STK25: variants seen among roughly 807,000 people sequenced by gnomAD.
The protein encoded by STK25 is serine/threonine-protein kinase 25.
STK25 carries 29 observed loss-of-function variants against 53.8 expected under a neutral mutation model. That is an observed-to-expected ratio of 0.54 (90% CI 0.40 to 0.74). The LOEUF is 0.74. Among genes scored for constraint, STK25 ranks in the 30% least tolerant of loss-of-function variants. The pLI is 0.00. For missense variants in STK25, 420 were observed against 568.0 expected (o/e 0.74, Z 2.65); for synonymous variants, 247 against 238.3 (o/e 1.04, Z -0.33).
rs1189848985 is a variant in STK25 at position 241,495,705 on chromosome 2, C to T, written c.1242-4G>A. ...GTGGTTTCTGTTGTGTGAAAACCTGCAGAGAGAAGAGCCCACTGCTGCGTG... is the reference window on the plus strand; with the variant it reads ...GTGGTTTCTGTTGTGTGAAAACCTGTAGAGAGAAGAGCCCACTGCTGCGTG... On this transcript the variant is annotated splice_region_variant and splice_polypyrimidine_tract_variant and intron_variant, in intron 11 of 11. Transcript: ENST00000316586. The T allele has an allele frequency of 1.2e-6, 2 of 1,614,072 alleles. No individual in the cohort carries two copies. Among genetic ancestry groups the T allele is most frequent in the Admixed American group, 3.3e-5 (2 of 60,034 alleles).
In STK25 at chr2:241,497,661, C is replaced by A. The variant is rs34250019; in HGVS notation, c.1059G>T (p.Pro353=). The A allele has an allele frequency of 6.2e-7, 1 of 1,613,482 alleles. No individual in the cohort carries two copies. The highest frequency in any genetic ancestry group is 1.7e-5 in the Admixed American group (1 of 60,034). Residue 353 remains proline, a synonymous_variant, in exon 10 of 12, where the codon CCG becomes CCT. Transcript: ENST00000316586. ...CCAGCGTGGACAGGCACTGGGACCT[C>A]GGCTGCCTCTTGACGGGCTCCGCAG... ...QKPAEPVKRQ[P]RSQCLSTLVR...
intron 4 of STK25, among the ~76,000 whole-genome samples, chr2:241,500,529 C>T (rs2065443716): frequency 6.6e-6 from 1 of 152,198 alleles, no homozygotes; most frequent in African/African-American, 2.4e-5. Context: ...TCCCAGCAGG[C>T]CTGCCCCCGC....
chr2:241,501,623 T>C lies in STK25; in HGVS notation c.116A>G (p.Asp39Gly). 2 of 1,614,118 alleles carry C rather than the reference T, an allele frequency of 1.2e-6. No individual in the cohort carries two copies. The highest frequency in any genetic ancestry group is 1.7e-6 in the Non-Finnish European group (2 of 1,180,024). ...GSFGEVYKGI[D>G]NHTKEVVAIK... ...GGCCACCACCTCCTTTGTGTGGTTA[T>C]CGATGCCCTTGTAGACCTCCCCAAA... The change falls in exon 3 of 12, where the codon GAT (aspartate) becomes GGT (glycine). Residue 39 changes from aspartate (D) to glycine (G), a missense_variant. Asp to Gly is a moderately conservative substitution (Grantham distance 94). Coordinates refer to ENST00000316586, the MANE Select transcript of STK25 (RefSeq NM_001271977.2). The surrounding 1 kb of genome is among the most constrained non-coding windows in gnomAD (Gnocchi z 5.3).
At chr2:241,499,230 C>T in intron 6 of STK25, 27 bp downstream of exon 6, 2 of 1,613,784 alleles carry the variant, frequency 1.2e-6, no homozygotes. Flanking sequence ...GGCATGGTGC[C>T]CGCACCTGCC....
In STK25 at chr2:241,499,109, G is replaced by A. The variant is rs55762981; in HGVS notation, c.651C>T (p.Asp217=). 1.1e-3 allele frequency: 1,704 copies of A among 1,614,068 alleles called. 13 individuals carry two copies. In the African/African-American group the frequency reaches 0.019, roughly 18 times the overall value. ...ELAKGEPPNS[D]LHPMRVLFLI... ...GGAACAGGACGCGCATGGGGTGGAG[G>A]TCAGAGTTTGGAGGCTCCCCCTTGG... The change falls in exon 7 of 12, where the codon GAC becomes GAT. Residue 217 remains aspartate, a synonymous_variant. Transcript: ENST00000316586.
At chr2:241,508,254 G>A (rs2065978117) in intron 1 of STK25, 119 bp from the exon 2 acceptor site, 20 of 1,306,128 alleles carry the variant, frequency 1.5e-5, no homozygotes, top group Non-Finnish European at 1.8e-5. Context: ...CCGGGGCCCC[G>A]CCACGCCCGG....
rs756369752 is a variant in STK25 at position 241,500,200 on chromosome 2, C to T, written c.400G>A (p.Glu134Lys). ...ILKGLDYLHS[E>K]RKIHRDIKAA... ...TTGATGTCTCGGTGGATCTTGCGTT[C>T]GGAGTGCAGATAATCCAGGCCCTTC... Residue 134 changes from glutamate (E) to lysine (K), a missense_variant, in exon 5 of 12, where the codon GAA (glutamate) becomes AAA (lysine). Transcript: ENST00000316586. The T allele has an allele frequency of 5.6e-6, 9 of 1,612,932 alleles. No individual in the cohort carries two copies. The highest frequency in any genetic ancestry group is 2.2e-5 in the South Asian group (2 of 90,968).
chr2:241,507,636 G>T (rs1185216665), intron 2 of STK25, among the ~76,000 whole-genome samples: 1 of 152,226 alleles, frequency 6.6e-6, no homozygotes, highest in African/African-American at 2.4e-5. Context: ...GGCCGAGGCC[G>T]CAGGGTGGCC....
rs118045950 is a variant in STK25, at chr2:241,496,263, C to T, written c.1241+135G>A. On this transcript the variant is annotated intron_variant, in intron 11 of 11. Coordinates refer to ENST00000316586, the MANE Select transcript of STK25 (RefSeq NM_001271977.2). This position sits in a 1 kb window ranked among gnomAD's most constrained non-coding sequence, Gnocchi z 5.8. ...CCAAACAAGGAAGAGGATGCCACGC[C>T]GCGCCTTCCCAGAGTGAAGCGAGCC... The T allele has an allele frequency of 0.01, 11,163 of 1,091,136 alleles. 326 individuals are homozygous for T. The highest frequency in any genetic ancestry group is 0.07 in the South Asian group (4,839 of 68,748). 67.6% of individuals were successfully genotyped at this position (1,091,136 alleles called of 1,614,324 possible). A position where few individuals can be genotyped will look rare whatever the true frequency, so the allele number is the denominator to read the frequency against.
chr2:241,500,280 A>G lies in STK25; in HGVS notation c.320T>C (p.Leu107Pro). The G allele has an allele frequency of 6.2e-7, 1 of 1,612,726 alleles. No homozygotes were observed. The highest frequency in any genetic ancestry group is 8.5e-7 in the Non-Finnish European group (1 of 1,178,804). Residue 107 changes from leucine to proline, a missense_variant and splice_region_variant, in exon 5 of 12, where the codon CTT becomes CCT. Coordinates refer to ENST00000316586, the MANE Select transcript of STK25 (RefSeq NM_001271977.2). ...YLGGGSALDLLKPGPLEETYI... is the reference protein window; with the variant it reads ...YLGGGSALDLPKPGPLEETYI... ...TGTCTCCTCCAGGGGACCTGGTTTA[A>G]GCTGGAGAGGAAGGTGCGACAGCAG...
rs1206084095 is a variant in STK25, at chr2:241,496,067, G to A, written c.1241+331C>T. Among the ~76,000 whole-genome samples, 3 of 152,178 alleles carry A rather than the reference G, an allele frequency of 2.0e-5. No homozygotes were observed. Among genetic ancestry groups the A allele is most frequent in the African/African-American group, 4.8e-5 (2 of 41,452 alleles). On this transcript the variant is annotated intron_variant, in intron 11 of 11. Coordinates refer to ENST00000316586, the MANE Select transcript of STK25 (RefSeq NM_001271977.2). This position sits in a 1 kb window ranked among gnomAD's most constrained non-coding sequence, Gnocchi z 5.8. ...GGGCAGCTCTGACGTTTTGCCACCAGCGTGTCAGAGTAGCTCCCGGGAGCC... is the reference window on the plus strand; with the variant it reads ...GGGCAGCTCTGACGTTTTGCCACCAACGTGTCAGAGTAGCTCCCGGGAGCC...
At position 241,498,615 on chromosome 2, in the gene STK25, CATGAGG is replaced by C. The variant is rs748479539; in HGVS notation, c.917+18_917+23del. 1.6e-5 allele frequency: 25 copies of C among 1,603,624 alleles called. No homozygotes were observed. The East Asian group carries it at 5.1e-4, about 33-fold the overall frequency. On this transcript the variant is annotated intron_variant, in intron 8 of 11. Transcript: ENST00000316586. Reference sequence around the variant, plus strand: ...CCCACGTCACAGCACCTAGGGTCACCATGAGGATAAACCAGGTCCCTACATGTCAGA... The same window carrying C: ...CCCACGTCACAGCACCTAGGGTCACCATAAACCAGGTCCCTACATGTCAGA...
chr2:241,505,727 C>T (rs2065783216), intron 2 of STK25, among the ~76,000 whole-genome samples: 1 of 152,334 alleles, frequency 6.6e-6, no homozygotes, highest in East Asian at 1.9e-4. Flanking sequence ...CAAGCAGAAA[C>T]TGTGTGACAG....
In STK25 at chr2:241,501,716, G is replaced by C. The variant is rs368769553; in HGVS notation, c.31-8C>G. On this transcript the variant is annotated splice_polypyrimidine_tract_variant and splice_region_variant and intron_variant, in intron 2 of 11. Transcript: ENST00000316586. This position sits in a 1 kb window ranked among gnomAD's most constrained non-coding sequence, Gnocchi z 5.3. ...AGGGTCCACTCGAGAGTGCTGTGGG[G>C]CCAGGGCGGGGACAGAGGGCAGACA... 6.2e-7 allele frequency: 1 copy of C among 1,608,382 alleles called. No homozygotes were observed. Among genetic ancestry groups the C allele is most frequent in the Non-Finnish European group, 8.5e-7 (1 of 1,176,222 alleles).
In STK25 at chr2:241,501,519, C is replaced by T. The variant is rs763297657; in HGVS notation, c.220G>A (p.Asp74Asn). 5 of 1,614,102 alleles carry T rather than the reference C, an allele frequency of 3.1e-6. No individual in the cohort carries two copies. Among genetic ancestry groups the T allele is most frequent in the Non-Finnish European group, 4.2e-6 (5 of 1,180,038 alleles). ...QQEITVLSQCDSPYITRYFGS... is the reference protein window; with the variant it reads ...QQEITVLSQCNSPYITRYFGS... Reference sequence around the variant, plus strand: ...AAGTAGCGGGTGATGTAGGGGCTGTCGCACTGACTGAGGACAGTGATCTCC... The same window carrying T: ...AAGTAGCGGGTGATGTAGGGGCTGTTGCACTGACTGAGGACAGTGATCTCC... Residue 74 changes from aspartate (D) to asparagine (N), a missense_variant, in exon 3 of 12, where the codon GAC becomes AAC. Coordinates refer to ENST00000316586, the MANE Select transcript of STK25 (RefSeq NM_001271977.2). The surrounding 1 kb of genome is among the most constrained non-coding windows in gnomAD (Gnocchi z 5.3).
At position 241,493,492 on chromosome 2, in the gene STK25, G is replaced by A. The variant is rs747579054; in HGVS notation, c.*2170C>T. Reference sequence around the variant, plus strand: ...TGGTCAGCTGCCCATTTCGATGTCCGCTCAGCTCCCATTTCTACTCATGGT... The same window carrying A: ...TGGTCAGCTGCCCATTTCGATGTCCACTCAGCTCCCATTTCTACTCATGGT... On this transcript the variant is annotated 3_prime_UTR_variant, in exon 12 of 12. Coordinates refer to ENST00000316586, the MANE Select transcript of STK25 (RefSeq NM_001271977.2). 6.3e-6 allele frequency: 10 copies of A among 1,576,548 alleles called. No individual in the cohort carries two copies. The highest frequency in any genetic ancestry group is 8.7e-6 in the Non-Finnish European group (10 of 1,148,030).
In STK25 at chr2:241,501,933, C is replaced by T. The variant is rs377469385; in HGVS notation, c.31-225G>A. ...CTGTAATTCTAGCACTTTGGGAGGCCGAGGCAGGTGGATCACTTGAGGTCA... is the reference window on the plus strand; with the variant it reads ...CTGTAATTCTAGCACTTTGGGAGGCTGAGGCAGGTGGATCACTTGAGGTCA... On this transcript the variant is annotated intron_variant, in intron 2 of 11. Coordinates refer to ENST00000316586, the MANE Select transcript of STK25 (RefSeq NM_001271977.2). The surrounding 1 kb of genome is among the most constrained non-coding windows in gnomAD (Gnocchi z 5.3). The T allele has an allele frequency of 2.3e-5, 11 of 472,964 alleles. No homozygotes were observed. Among genetic ancestry groups the T allele is most frequent in the East Asian group, 4.1e-5 (1 of 24,454 alleles). 29.3% of individuals were successfully genotyped at this position (472,964 alleles called of 1,614,324 possible).
At chr2:241,499,838 G>A (rs964961307) in intron 5 of STK25, 10 of 461,260 alleles carry the variant, frequency 2.2e-5, no homozygotes, top group East Asian at 4.4e-5. Flanking sequence ...CCAGCCTCCC[G>A]TCTGCTCTCA....
At chr2:241,509,159 A>T (rs992939728), upstream of STK25, 1 of 152,362 alleles carries the variant, frequency 6.6e-6, no homozygotes, top group African/African-American at 2.4e-5. Context: ...GGCCTTGGAG[A>T]AGCTACCGGC....
Sources: allele counts gnomAD v4.1 joint callset (sites outside exome capture counted in the v4.1 genomes callset), GRCh38; gene constraint gnomAD v4.1.1; non-coding constraint Gnocchi (gnomAD v3.1); transcripts MANE v1.5; gene names NCBI Gene and HGNC (gene_info 2026-07-23, HGNC 2026-07-21).